Variants in DNAJC10 observed in about 807,000 individuals in gnomAD.
The protein encoded by DNAJC10 is DnaJ heat shock protein family (Hsp40) member C10.
In DNAJC10, 101 loss-of-function variants were observed where a neutral mutation model predicts 115.0. The observed-to-expected ratio is 0.88, with a 90% CI of 0.75 to 1.04. The LOEUF (loss-of-function observed/expected upper bound fraction) is 1.04, where lower values mean the gene tolerates loss of function less well. Ranked by LOEUF, DNAJC10 falls within the 50% of genes least tolerant of loss-of-function variation. DNAJC10 has a pLI of 0.00. For missense variants in DNAJC10, 981 were observed against 928.8 expected, an observed-to-expected ratio of 1.06 and a Z score of -0.73; for synonymous variants, 307 against 301.5, an observed-to-expected ratio of 1.02 and a Z score of -0.19.
chr2:182,759,944 G>A (rs188630128), intron 21 of DNAJC10, among the ~76,000 whole-genome samples: 428 of 152,096 alleles, frequency 2.8e-3, no homozygotes, highest in South Asian at 5.8e-3. Context: ...TCAAGCCTTT[G>A]TTGTTCAAGA....
intron 1 of DNAJC10, among the ~76,000 whole-genome samples, chr2:182,716,788 C>G (rs1558992339): frequency 6.6e-6 from 1 of 152,214 alleles, no homozygotes; most frequent in East Asian, 1.9e-4. Flanking sequence ...CCCTCTCCCA[C>G]TCTGCAGTGA....
At chr2:182,751,856 T>C in intron 15 of DNAJC10, 71 bp downstream of exon 15, 3 of 1,557,240 alleles carry the variant, frequency 1.9e-6, no homozygotes, top group Non-Finnish European at 2.6e-6. Flanking sequence ...AGACATTTTC[T>C]AGATAACTTT....
intron 8 of DNAJC10, among the ~76,000 whole-genome samples, chr2:182,730,708 C>A (rs574241464): frequency 2.0e-5 from 3 of 152,120 alleles, no homozygotes; most frequent in South Asian, 2.1e-4. Flanking sequence ...ACAAAAAGAT[C>A]AATAATTGGG....
intron 16 of DNAJC10, 200 bp from the exon 17 acceptor site, chr2:182,754,796 TAAGGATC>T: frequency 7.6e-7 from 1 of 1,314,826 alleles, no homozygotes; most frequent in Non-Finnish European, 9.7e-7. Flanking sequence ...CAGCTATAAA[TAAGGATC>T]AGGTATTCAT....
chr2:182,792,294 A>C lies in DNAJC10; in HGVS notation c.*15162A>C, dbSNP rs560527215. The C allele has an allele frequency of 2.0e-5, 3 of 152,348 alleles. No individual in the cohort carries two copies. In the South Asian group the frequency reaches 6.2e-4, roughly 32 times the overall value. The allele number at this position is 152,348 out of a possible 1,614,324, so 9.4% of individuals were successfully genotyped here. ...AGTCTATGTTTATTAAATGAGGATT[A>C]CAGTAGTTGGTTATCTTTGTGAGGG... is the stretch of plus-strand genomic sequence containing the variant. On this transcript the variant is annotated 3_prime_UTR_variant, in exon 24 of 24. Transcript: ENST00000264065.
At chr2:182,731,814 G>A (rs1693454258) in intron 9 of DNAJC10, among the ~76,000 whole-genome samples, 2 of 152,174 alleles carry the variant, frequency 1.3e-5, no homozygotes, top group Admixed American at 6.5e-5. Flanking sequence ...GCCTATGCTA[G>A]AAAGACACTG....
intron 22 of DNAJC10, among the ~76,000 whole-genome samples, chr2:182,767,849 G>A (rs1190523850): frequency 6.6e-6 from 1 of 152,078 alleles, no homozygotes; most frequent in Non-Finnish European, 1.5e-5. Flanking sequence ...GCTGTTTTCA[G>A]CATTCCTTAT....
At chr2:182,774,093 G>T (rs924611267) in intron 22 of DNAJC10, among the ~76,000 whole-genome samples, 11 of 152,326 alleles carry the variant, frequency 7.2e-5, no homozygotes, top group Admixed American at 6.5e-4. Context: ...TCCCTCAGCT[G>T]CAGGTCTGTT....
intron 2 of DNAJC10, 30 bp from the exon 3 acceptor site, chr2:182,717,911 G>GCCTGCTT (rs1331540379): frequency 4.1e-6 from 2 of 490,290 alleles, no homozygotes; most frequent in Admixed American, 7.5e-5. Context: ...AGTTCAAAAT[G>GCCTGCTT]TATTTTAACT....
At chr2:182,745,745 A>G (rs1446233172) in intron 14 of DNAJC10, among the ~76,000 whole-genome samples, 1 of 142,700 alleles carries the variant, frequency 7.0e-6, no homozygotes, top group Non-Finnish European at 1.5e-5. Context: ...TTTTTAATTT[A>G]TTATTATTAT....
At chr2:182,735,664 C>T (rs1233096512) in intron 10 of DNAJC10, among the ~76,000 whole-genome samples, 1 of 152,050 alleles carries the variant, frequency 6.6e-6, no homozygotes, top group Non-Finnish European at 1.5e-5. Context: ...TATGTTAGAA[C>T]TCTATTTGTT....
chr2:182,763,110 A>G (rs903895395), intron 22 of DNAJC10, among the ~76,000 whole-genome samples: 1 of 152,110 alleles, frequency 6.6e-6, no homozygotes, highest in African/African-American at 2.4e-5. Context: ...GTAATTTTCT[A>G]CTTTTCTGTG....
At position 182,778,429 on chromosome 2, in the gene DNAJC10, T is replaced by TATA. The variant is rs1484998414; in HGVS notation, c.*1300_*1302dup. The TATA allele has an allele frequency of 1.3e-5, 2 of 152,198 alleles. No individual in the cohort carries two copies. Among genetic ancestry groups the TATA allele is most frequent in the African/African-American group, 4.8e-5 (2 of 41,464 alleles). The allele number at this position is 152,198 out of a possible 1,614,324, so 9.4% of individuals were successfully genotyped here. On this transcript the variant is annotated 3_prime_UTR_variant, in exon 24 of 24. Coordinates refer to ENST00000264065, the MANE Select transcript of DNAJC10 (RefSeq NM_018981.4). ...TGTCAGTAACATGTAGTTGTTTAGT[T>TATA]ATAATTCAGAGTGTACAGAATGGTA...
chr2:182,775,930 T>A lies in DNAJC10; in HGVS notation c.2370+510T>A, dbSNP rs994934439. Among the ~76,000 whole-genome samples, 25 of 152,182 alleles carry A rather than the reference T, an allele frequency of 1.6e-4. 1 individual carries two copies. Among genetic ancestry groups the A allele is most frequent in the Admixed American group, 1.4e-3 (22 of 15,272 alleles). On this transcript the variant is annotated intron_variant, in intron 23 of 23. Coordinates refer to ENST00000264065, the MANE Select transcript of DNAJC10 (RefSeq NM_018981.4). ...ATAGGGACAGAACGTAGGTTAATGG[T>A]TGCCTGGGGCCGAAGTGGAGTGGGA...
At chr2:182,741,889 T>G (rs1693746458) in intron 13 of DNAJC10, among the ~76,000 whole-genome samples, 1 of 152,100 alleles carries the variant, frequency 6.6e-6, no homozygotes, top group African/African-American at 2.4e-5. Context: ...ACGTGTAAAT[T>G]TATATGTCTG....
At chr2:182,746,097 A>G (rs899021408) in intron 14 of DNAJC10, among the ~76,000 whole-genome samples, 2 of 152,160 alleles carry the variant, frequency 1.3e-5, no homozygotes, top group African/African-American at 4.8e-5. Flanking sequence ...ATAGTATTCC[A>G]TGGTGTATAT....
Position 182,781,146 on chromosome 2 carries a change from G to T in DNAJC10, c.*4014G>T, listed in dbSNP as rs112077770. ...CCCTACCCCGCCGACAGGCCCCATT[G>T]TTGATGTTCCCCTCCCTGTGTCCAT... On this transcript the variant is annotated 3_prime_UTR_variant, in exon 24 of 24. Coordinates refer to ENST00000264065, the MANE Select transcript of DNAJC10 (RefSeq NM_018981.4). 1 of 151,884 alleles carries T rather than the reference G, an allele frequency of 6.6e-6. No individual in the cohort carries two copies. The highest frequency in any genetic ancestry group is 2.4e-5 in the African/African-American group (1 of 41,324). 9.4% of individuals were successfully genotyped at this position (151,884 alleles called of 1,614,324 possible). A position where few individuals can be genotyped will look rare whatever the true frequency, so the allele number is the denominator to read the frequency against.
At position 182,729,802 on chromosome 2, in the gene DNAJC10, A is replaced by G. The variant is rs771300522; in HGVS notation, c.634-46A>G. On this transcript the variant is annotated intron_variant, in intron 7 of 23. Transcript: ENST00000264065. ...TTTGGTATTATTTTTATTGAGTTTT[A>G]AAAAGAAAAAGTAAAAGATGTTTCT... is the stretch of plus-strand genomic sequence containing the variant. 5.3e-6 allele frequency: 7 copies of G among 1,317,112 alleles called. No homozygotes were observed. In the African/African-American group the frequency reaches 1.0e-4, roughly 20 times the overall value. The allele number at this position is 1,317,112 out of a possible 1,614,324, so 81.6% of individuals were successfully genotyped here.
rs1695036570 is a variant in DNAJC10, at chr2:182,790,815, GTAA to G, written c.*13688_*13690del. 1 of 150,412 alleles carries G rather than the reference GTAA, an allele frequency of 6.6e-6. No homozygotes were observed. Among genetic ancestry groups the G allele is most frequent in the Non-Finnish European group, 1.5e-5 (1 of 67,660 alleles). The allele number at this position is 150,412 out of a possible 1,614,324, so 9.3% of individuals were successfully genotyped here. A position where few individuals can be genotyped will look rare whatever the true frequency, so the allele number is the denominator to read the frequency against. ...AAAAAAAAAAAAAAAAATTACAATA[GTAA>G]TAATTATGCCTTCTAACACTAAAAT... On this transcript the variant is annotated 3_prime_UTR_variant, in exon 24 of 24. Transcript: ENST00000264065.
Sources: allele counts gnomAD v4.1 joint callset (sites outside exome capture counted in the v4.1 genomes callset), GRCh38; gene constraint gnomAD v4.1.1; transcripts MANE v1.5; gene names NCBI Gene and HGNC (gene_info 2026-07-23, HGNC 2026-07-21).